Variants in EIF2AK4 observed in about 807,000 individuals in gnomAD.
EIF2AK4 encodes eukaryotic translation initiation factor 2 alpha kinase 4.
EIF2AK4 carries 139 observed loss-of-function variants against 211.1 expected under a neutral mutation model. That is an observed-to-expected ratio of 0.66 (90% CI 0.57 to 0.76). The LOEUF (loss-of-function observed/expected upper bound fraction) is 0.76. EIF2AK4 is among the 30% of genes least tolerant of loss of function. The pLI is 0.00. For missense variants in EIF2AK4, 1,664 were observed against 2,043.8 expected, an observed-to-expected ratio of 0.81 and a Z score of 3.58; for synonymous variants, 710 against 751.3, an observed-to-expected ratio of 0.94 and a Z score of 0.90.
In EIF2AK4 at chr15:39,934,325, G is replaced by T. The variant is rs1355293664; in HGVS notation, c.130G>T (p.Asp44Tyr). 4 of 1,609,542 alleles carry T rather than the reference G, an allele frequency of 2.5e-6. No individual in the cohort carries two copies. Among genetic ancestry groups the T allele is most frequent in the Non-Finnish European group, 8.5e-7 (1 of 1,178,150 alleles). The change falls in exon 1 of 39, where the codon GAC (aspartate) becomes TAC (tyrosine). Residue 44 changes from aspartate (D) to tyrosine (Y), a missense_variant. Asp to Tyr is a radical substitution (Grantham distance 160, BLOSUM62 -3). Transcript: ENST00000263791. ...CGCGGACTTCCAAGACCTGCGGCCG[G>T]ACGCTTGCGGACCGGTAGGAACGTG... ...YGADFQDLRPDACGPVKEPPE... is the reference protein window; with the variant it reads ...YGADFQDLRPYACGPVKEPPE...
At chr15:39,959,882 G>A (rs989922677) in intron 6 of EIF2AK4, among the ~76,000 whole-genome samples, 10 of 152,120 alleles carry the variant, frequency 6.6e-5, no homozygotes, top group Non-Finnish European at 1.3e-4. Flanking sequence ...TGTGGACATG[G>A]GCCAGGTGTG....
chr15:40,031,873 C>T (rs2035548703), intron 35 of EIF2AK4, among the ~76,000 whole-genome samples: 1 of 152,086 alleles, frequency 6.6e-6, no homozygotes, highest in Non-Finnish European at 1.5e-5. Flanking sequence ...TTATAAGCGC[C>T]GGCCACCATG....
At chr15:40,011,401 GA>G (rs2140939854) in intron 27 of EIF2AK4, 55 bp downstream of exon 27, 1 of 1,468,320 alleles carries the variant, frequency 6.8e-7, no homozygotes, top group Non-Finnish European at 9.4e-7. Context: ...TGTGATACCA[GA>G]AAATGTCATC....
intron 9 of EIF2AK4, 114 bp downstream of exon 9, chr15:39,967,993 C>G: frequency 9.2e-7 from 1 of 1,081,572 alleles, no homozygotes; most frequent in Non-Finnish European, 1.3e-6. Context: ...AACAGGACTT[C>G]ATTCTTTGCT....
intron 23 of EIF2AK4, 73 bp downstream of exon 23, chr15:40,003,387 A>G: frequency 6.3e-7 from 1 of 1,575,848 alleles, no homozygotes; most frequent in Non-Finnish European, 8.6e-7. Flanking sequence ...CTGTTAAAGG[A>G]TTTTTCCCCC....
intron 4 of EIF2AK4, among the ~76,000 whole-genome samples, chr15:39,952,105 ATG>A (rs1566983500): frequency 6.6e-6 from 1 of 152,174 alleles, no homozygotes; most frequent in Non-Finnish European, 1.5e-5. Context: ...CTTACAGAAG[ATG>A]TACAGAATTA....
At chr15:40,023,722 T>G (rs2035424970) in intron 32 of EIF2AK4, among the ~76,000 whole-genome samples, 1 of 152,238 alleles carries the variant, frequency 6.6e-6, no homozygotes, top group African/African-American at 2.4e-5. Context: ...GGACCAGCTT[T>G]TGGTGTCATT....
chr15:39,995,596 C>CT (rs1223917573), intron 18 of EIF2AK4, among the ~76,000 whole-genome samples: 1 of 151,910 alleles, frequency 6.6e-6, no homozygotes, highest in East Asian at 1.9e-4. Context: ...ATTGTAGATA[C>CT]TTTTTTTGTT....
intron 17 of EIF2AK4, 23 bp downstream of exon 17, chr15:39,992,252 T>C: frequency 6.3e-7 from 1 of 1,586,042 alleles, no homozygotes; most frequent in South Asian, 1.2e-5. Flanking sequence ...GACTATATAT[T>C]TCATCCATGT....
intron 1 of EIF2AK4, among the ~76,000 whole-genome samples, chr15:39,936,187 G>C (rs899354318): frequency 6.6e-6 from 1 of 152,198 alleles, no homozygotes; most frequent in African/African-American, 2.4e-5. Context: ...TTCATAACAA[G>C]ATGGAATACT....
chr15:40,035,008 CT>C lies in EIF2AK4; in HGVS notation c.4893-15del. The stretch of plus-strand genomic sequence containing the variant: ...CATTAAACTGAGTCTGTCCTTATAT[CT>C]TTTCTTTTCTTTTGCAGGGTGTCTG... On this transcript the variant is annotated intron_variant, in intron 38 of 38. Coordinates refer to ENST00000263791, the MANE Select transcript of EIF2AK4 (RefSeq NM_001013703.4). The C allele has an allele frequency of 6.5e-7, 1 of 1,547,206 alleles. No homozygotes were observed. Among genetic ancestry groups the C allele is most frequent in the Non-Finnish European group, 8.7e-7 (1 of 1,151,066 alleles).
At chr15:40,011,411 T>C (rs1189653045) in intron 27 of EIF2AK4, 65 bp downstream of exon 27, 37 of 1,431,190 alleles carry the variant, frequency 2.6e-5, no homozygotes, top group Non-Finnish European at 3.6e-5. Context: ...GAAAATGTCA[T>C]CAAATTCTCG....
chr15:39,984,658 A>C (rs1296014701), intron 13 of EIF2AK4, among the ~76,000 whole-genome samples: 1 of 152,028 alleles, frequency 6.6e-6, no homozygotes, highest in Non-Finnish European at 1.5e-5. Context: ...CTGTTTGTCT[A>C]TTATTGGTGT....
rs779107258 is a variant in EIF2AK4 at position 39,961,898 on chromosome 15, T to C, written c.858T>C (p.Ile286=). Residue 286 remains isoleucine, a splice_region_variant and synonymous_variant, in exon 7 of 39, where the codon ATT becomes ATC. Transcript: ENST00000263791. ...DQLMVHKGKC[I]GSDEQLGKLV... is the part of the protein sequence containing the mutation. ...TCATGGTGCACAAAGGGAAATGTATTGGTGAGTAAACTAGCAAAATCTATT... is the reference window on the plus strand; with the variant it reads ...TCATGGTGCACAAAGGGAAATGTATCGGTGAGTAAACTAGCAAAATCTATT... 1.2e-6 allele frequency: 2 copies of C among 1,608,212 alleles called. No homozygotes were observed. Among genetic ancestry groups the C allele is most frequent in the Non-Finnish European group, 1.7e-6 (2 of 1,177,146 alleles).
At chr15:40,033,648 C>T (rs1347183297) in intron 37 of EIF2AK4, among the ~76,000 whole-genome samples, 1 of 152,172 alleles carries the variant, frequency 6.6e-6, no homozygotes, top group Non-Finnish European at 1.5e-5. Flanking sequence ...TACAAATAAG[C>T]ATATACCACT....
intron 35 of EIF2AK4, among the ~76,000 whole-genome samples, chr15:40,031,731 CT>C (rs201986933): frequency 2.5e-4 from 37 of 148,834 alleles, no homozygotes; most frequent in African/African-American, 2.5e-4. Flanking sequence ...AGCAAATCTT[CT>C]TTTTTTTTTT....
At chr15:39,977,400 A>T (rs1259704344) in intron 12 of EIF2AK4, 1 of 152,336 alleles carries the variant, frequency 6.6e-6, no homozygotes, top group Admixed American at 6.5e-5. Flanking sequence ...CGCTCCTATG[A>T]GAATCTAATG....
At chr15:39,992,015 T>C in intron 16 of EIF2AK4, 160 bp from the exon 17 acceptor site, 1 of 589,116 alleles carries the variant, frequency 1.7e-6, no homozygotes, top group Non-Finnish European at 2.8e-6. Flanking sequence ...CTTGCATTAG[T>C]GGGTTAACTA....
intron 2 of EIF2AK4, among the ~76,000 whole-genome samples, chr15:39,942,508 C>T (rs1370401511): frequency 1.3e-5 from 2 of 152,204 alleles, no homozygotes; most frequent in Admixed American, 1.3e-4. Flanking sequence ...ATACTCAAGA[C>T]TTCACTGGTT....
Sources: allele counts gnomAD v4.1 joint callset (sites outside exome capture counted in the v4.1 genomes callset), GRCh38; gene constraint gnomAD v4.1.1; transcripts MANE v1.5; gene names NCBI Gene and HGNC (gene_info 2026-07-23, HGNC 2026-07-21).